Variants in TRAF3IP3 observed in about 807,000 individuals in gnomAD.
TRAF3IP3 encodes the protein TRAF3 interacting protein 3, also known as TRAF3-interacting JNK-activating modulator.
A neutral mutation model predicts 86.5 loss-of-function variants in TRAF3IP3; 64 were observed. The ratio of observed to expected loss-of-function variants is 0.74; its 90% confidence interval spans 0.60 to 0.91. The LOEUF (loss-of-function observed/expected upper bound fraction) is 0.91, where lower values mean the gene tolerates loss of function less well. TRAF3IP3 is among the 40% of genes least tolerant of loss of function. The pLI is 0.00. For synonymous variants in TRAF3IP3, 220 were observed against 243.9 expected, an observed-to-expected ratio of 0.90 and a Z score of 0.91; for missense variants, 579 against 642.9, an observed-to-expected ratio of 0.90 and a Z score of 1.07.
At chr1:209,779,064 G>T (rs1296728910) in intron 13 of TRAF3IP3, 4 of 550,694 alleles carry the variant, frequency 7.3e-6, no homozygotes, top group Non-Finnish European at 1.3e-5. Context: ...GGACACCAGT[G>T]ATATTAGATT....
chr1:209,777,169 G>T, intron 11 of TRAF3IP3, 183 bp from the exon 12 acceptor site: 1 of 473,306 alleles, frequency 2.1e-6, no homozygotes, highest in Non-Finnish European at 3.7e-6. Context: ...ATAAATATGA[G>T]GAACAAAGCA....
At chr1:209,760,439 G>GA in intron 3 of TRAF3IP3, 55 bp downstream of exon 3, 3 of 1,439,684 alleles carry the variant, frequency 2.1e-6, no homozygotes, top group Non-Finnish European at 2.8e-6. Context: ...CTCTGGACAA[G>GA]GAGGGTGGGT....
intron 12 of TRAF3IP3, 120 bp downstream of exon 12, chr1:209,777,607 G>T: frequency 9.1e-7 from 1 of 1,097,296 alleles, no homozygotes; most frequent in Non-Finnish European, 1.3e-6. Context: ...TTGGTTGATT[G>T]GCTTTATAAT....
At chr1:209,768,364 G>A (rs1353028110) in intron 8 of TRAF3IP3, 2 of 985,444 alleles carry the variant, frequency 2.0e-6, no homozygotes, top group African/African-American at 3.5e-5. Context: ...CCTGAGGAGG[G>A]TCCAACCTTC....
rs547814136 is a variant in TRAF3IP3 at position 209,763,225 on chromosome 1, C to T, written c.576+133C>T. The T allele has an allele frequency of 3.8e-4, 526 of 1,370,894 alleles. 3 individuals are homozygous for T. The South Asian group carries it at 5.6e-3, about 15-fold the overall frequency. The allele number at this position is 1,370,894 out of a possible 1,614,324, so 84.9% of individuals were successfully genotyped here. Reference sequence around the variant, plus strand: ...ATGGCAAGGGGGTACTGAGCATAGACATGGGGACTAAAGGGACCCTGTCAG... The same window carrying T: ...ATGGCAAGGGGGTACTGAGCATAGATATGGGGACTAAAGGGACCCTGTCAG... On this transcript the variant is annotated intron_variant, in intron 6 of 16. Transcript: ENST00000367025.
At chr1:209,765,679 A>G (rs1323374003) in intron 8 of TRAF3IP3, among the ~76,000 whole-genome samples, 1 of 152,204 alleles carries the variant, frequency 6.6e-6, no homozygotes, top group East Asian at 1.9e-4. Flanking sequence ...AAAAAGAAAA[A>G]GAAAAAGAAC....
intron 8 of TRAF3IP3, chr1:209,768,261 T>C (rs1347314362): frequency 2.0e-6 from 2 of 985,282 alleles, no homozygotes; most frequent in East Asian, 2.3e-4. Flanking sequence ...AACTCCCTAT[T>C]AGAATCCCAA....
Position 209,775,428 on chromosome 1 carries a change from A to T in TRAF3IP3, c.854A>T (p.Glu285Val), listed in dbSNP as rs374984254. 87 of 1,614,122 alleles carry T rather than the reference A, an allele frequency of 5.4e-5. No individual in the cohort carries two copies. Among genetic ancestry groups the T allele is most frequent in the Non-Finnish European group, 7.3e-5 (86 of 1,180,048 alleles). ...AACAGCTATGAGCAGAAGGCCAAGG[A>T]GTCACTGCAGAAAGTGCTGGAGGAG... Reference protein sequence around the residue: ...QKNSYEQKAKESLQKVLEEKM... With the variant: ...QKNSYEQKAKVSLQKVLEEKM... The change falls in exon 10 of 17, where the codon GAG becomes GTG. Residue 285 changes from glutamate (E) to valine (V), a missense_variant. Transcript: ENST00000367025.
chr1:209,771,219 G>A (rs561567669), intron 8 of TRAF3IP3, among the ~76,000 whole-genome samples: 14 of 148,488 alleles, frequency 9.4e-5, no homozygotes, highest in African/African-American at 3.5e-4. Context: ...GAAGGTGTGT[G>A]TGTGCATGTG....
In TRAF3IP3 at chr1:209,775,490, GTA is replaced by G. The variant is rs764528120; in HGVS notation, c.915+3_915+4del. On this transcript the variant is annotated splice_donor_variant and splice_donor_region_variant and intron_variant, in intron 10 of 16. Coordinates refer to ENST00000367025, the MANE Select transcript of TRAF3IP3 (RefSeq NM_025228.4). LOFTEE classifies it high-confidence loss of function. ...AGAGCAGCAACTACAGAGCACACAG[GTA>G]TGGGGATGCCACATAGACATGGGGC... The G allele has an allele frequency of 3.1e-5, 50 of 1,614,114 alleles. No homozygotes were observed. Among genetic ancestry groups the G allele is most frequent in the Non-Finnish European group, 4.2e-5 (49 of 1,180,058 alleles).
intron 12 of TRAF3IP3, 144 bp from the exon 13 acceptor site, chr1:209,777,967 C>G (rs1280158532): frequency 2.8e-6 from 2 of 712,730 alleles, no homozygotes; most frequent in Non-Finnish European, 4.7e-6. Context: ...CTCTTCAGAA[C>G]TGGGACACGA....
At chr1:209,774,417 G>A (rs1181537672) in intron 9 of TRAF3IP3, among the ~76,000 whole-genome samples, 1 of 152,204 alleles carries the variant, frequency 6.6e-6, no homozygotes, top group Non-Finnish European at 1.5e-5. Flanking sequence ...GGGATACTAT[G>A]TGAACACCAT....
chr1:209,779,103 C>A lies in TRAF3IP3; in HGVS notation c.1253-212C>A, dbSNP rs192312996. The stretch of plus-strand genomic sequence containing the variant: ...GCCCACCTGAATGACCCCATTTTAA[C>A]TTGATTATCTTTTAAAGAATCTATC... On this transcript the variant is annotated intron_variant, in intron 13 of 16. Coordinates refer to ENST00000367025, the MANE Select transcript of TRAF3IP3 (RefSeq NM_025228.4). 7.8e-5 allele frequency: 46 copies of A among 589,096 alleles called. No individual in the cohort carries two copies. In the East Asian group the frequency reaches 1.3e-3, roughly 16 times the overall value. The allele number at this position is 589,096 out of a possible 1,614,324, so 36.5% of individuals were successfully genotyped here.
Position 209,762,889 on chromosome 1 carries a change from C to A in TRAF3IP3, c.551+19C>A, listed in dbSNP as rs1202490756. The stretch of plus-strand genomic sequence containing the variant: ...AAACCAAGTGAGTTCCTGACCCTAA[C>A]CCTCTCACATCCCATCCATTCCTCT... On this transcript the variant is annotated intron_variant, in intron 5 of 16. Coordinates refer to ENST00000367025, the MANE Select transcript of TRAF3IP3 (RefSeq NM_025228.4). The A allele has an allele frequency of 2.0e-5, 32 of 1,614,054 alleles. No individual in the cohort carries two copies. Among genetic ancestry groups the A allele is most frequent in the Non-Finnish European group, 2.7e-5 (32 of 1,179,878 alleles).
chr1:209,775,499 T>C lies in TRAF3IP3; in HGVS notation c.915+10T>C. 6.2e-7 allele frequency: 1 copy of C among 1,614,202 alleles called. No homozygotes were observed. The highest frequency in any genetic ancestry group is 2.2e-5 in the East Asian group (1 of 44,886). On this transcript the variant is annotated intron_variant, in intron 10 of 16. Transcript: ENST00000367025. The stretch of plus-strand genomic sequence containing the variant: ...ACTACAGAGCACACAGGTATGGGGA[T>C]GCCACATAGACATGGGGCTGGGGAC...
At chr1:209,775,576 C>G (rs1167518261) in intron 10 of TRAF3IP3, 23 bp from the exon 11 acceptor site, 1 of 1,614,030 alleles carries the variant, frequency 6.2e-7, no homozygotes, top group African/African-American at 1.3e-5. Context: ...CCCTGGAGCC[C>G]TCTCCTCTCT....
At chr1:209,769,596 T>A (rs751001404) in intron 8 of TRAF3IP3, among the ~76,000 whole-genome samples, 39 of 152,204 alleles carry the variant, frequency 2.6e-4, no homozygotes, top group Non-Finnish European at 5.3e-4. Flanking sequence ...GTTAGAAGAA[T>A]AAGCCAAACA....
intron 8 of TRAF3IP3, among the ~76,000 whole-genome samples, chr1:209,769,685 A>G (rs1327408795): frequency 6.6e-6 from 1 of 152,164 alleles, no homozygotes; most frequent in Non-Finnish European, 1.5e-5. Flanking sequence ...GGCGGACCTC[A>G]AAGCCGAGCC....
chr1:209,767,711 T>C (rs188285525), intron 8 of TRAF3IP3, among the ~76,000 whole-genome samples: 1 of 151,376 alleles, frequency 6.6e-6, no homozygotes, highest in Admixed American at 6.6e-5. Flanking sequence ...TCAAGGATTA[T>C]CTAACTTGTA....
Sources: gnomAD v4.1 joint callset for allele counts (sites outside exome capture counted in the v4.1 genomes callset) on GRCh38, gnomAD v4.1.1 for gene constraint, MANE v1.5 for transcripts, NCBI Gene and HGNC (gene_info 2026-07-23, HGNC 2026-07-21) for gene names.